Variants in LSP1 observed in about 807,000 individuals in gnomAD.
LSP1 encodes the protein lymphocyte-specific protein 1.
A neutral mutation model predicts 49.3 loss-of-function variants in LSP1; 32 were observed. The ratio of observed to expected loss-of-function variants is 0.65; its 90% CI spans 0.49 to 0.87. The LOEUF (loss-of-function observed/expected upper bound fraction) is 0.87. Ranked by LOEUF, LSP1 falls within the 40% of genes least tolerant of loss-of-function variation. The pLI, the probability that LSP1 is intolerant of heterozygous loss-of-function variation, is 0.00. For synonymous variants in LSP1, 179 were observed against 178.8 expected, an observed-to-expected ratio of 1.00 and a Z score of -0.01; for missense variants, 428 against 442.6, an observed-to-expected ratio of 0.97 and a Z score of 0.30.
chr11:1,855,423 A>G (rs1847464317), intron 1 of LSP1, among the ~76,000 whole-genome samples: 1 of 152,128 alleles, frequency 6.6e-6, no homozygotes, highest in Admixed American at 6.5e-5. Context: ...CATGCCCTCA[A>G]CACTAGGTCC....
rs1848678604 is a variant in LSP1, at chr11:1,884,551, G to A, written c.687G>A (p.Gln229=). 6.2e-7 allele frequency: 1 copy of A among 1,613,940 alleles called. No individual in the cohort carries two copies. The highest frequency in any genetic ancestry group is 8.5e-7 in the Non-Finnish European group (1 of 1,179,938). The part of the protein sequence containing the change: ...QPDLPISKID[Q]WLEQYTQAIE... ...ACTTGCCCATCTCCAAGATTGATCA[G>A]TGGCTGGAACAATACACCCAGGCCA... is the stretch of plus-strand genomic sequence containing the variant. The change falls in exon 7 of 11, where the codon CAG becomes CAA. Residue 229 remains glutamine, a synonymous_variant. Coordinates refer to ENST00000311604, the MANE Select transcript of LSP1 (RefSeq NM_002339.3). The surrounding 1 kb of genome is among the most constrained non-coding windows in gnomAD (Gnocchi z 4.1).
At chr11:1,881,833 G>T (rs771141390) in intron 3 of LSP1, among the ~76,000 whole-genome samples, 1 of 152,170 alleles carries the variant, frequency 6.6e-6, no homozygotes, top group Non-Finnish European at 1.5e-5. Context: ...AGACAGGAGG[G>T]GAGGGAGGAA....
intron 7 of LSP1, among the ~76,000 whole-genome samples, chr11:1,886,496 A>C (rs190432148): frequency 4.6e-5 from 7 of 152,346 alleles, no homozygotes; most frequent in Admixed American, 1.3e-4. Flanking sequence ...AGGCAGACCC[A>C]CATCTGTCCT....
chr11:1,876,591 G>A (rs1178032103), intron 1 of LSP1: 2 of 985,500 alleles, frequency 2.0e-6, no homozygotes, highest in Admixed American at 6.1e-5. Context: ...GCAGAGTCGG[G>A]ACGGGGACCG....
rs767061907 is a variant in LSP1, at chr11:1,883,529, G to A, written c.467G>A (p.Gly156Glu). 75 of 1,613,180 alleles carry A rather than the reference G, an allele frequency of 4.6e-5. No individual in the cohort carries two copies. The highest frequency in any genetic ancestry group is 6.1e-5 in the Non-Finnish European group (72 of 1,179,854). Residue 156 changes from glycine to glutamate, a missense_variant, in exon 4 of 11, where the codon GGG becomes GAG. Gly to Glu is a moderately conservative substitution (Grantham distance 98, BLOSUM62 -2). Transcript: ENST00000311604. ...GPEDTVQDNL[G>E]AAGAEEEQEE... ...GAGGACACTGTCCAGGACAACCTGG[G>A]GGCCGCAGGGGCTGAGGAGGAACAG...
intron 1 of LSP1, among the ~76,000 whole-genome samples, chr11:1,854,118 G>A (rs1233207755): frequency 6.6e-6 from 1 of 151,922 alleles, no homozygotes; most frequent in Non-Finnish European, 1.5e-5. Flanking sequence ...AGGGCTTTGA[G>A]GGGCAGAGGG....
chr11:1,856,327 A>T (rs1412335109), intron 1 of LSP1, among the ~76,000 whole-genome samples: 2 of 152,194 alleles, frequency 1.3e-5, no homozygotes, highest in African/African-American at 4.8e-5. Context: ...GGCCTGGTTG[A>T]ACTCACTTCC....
At chr11:1,854,360 GCT>G (rs946654812) in intron 1 of LSP1, among the ~76,000 whole-genome samples, 2 of 152,102 alleles carry the variant, frequency 1.3e-5, no homozygotes, top group Non-Finnish European at 2.9e-5. Flanking sequence ...CTGCCTTGGT[GCT>G]GACAGCAGAG....
At chr11:1,862,366 C>A (rs1847664809) in intron 1 of LSP1, among the ~76,000 whole-genome samples, 2 of 152,268 alleles carry the variant, frequency 1.3e-5, no homozygotes, top group Admixed American at 6.5e-5. Context: ...GCATTTCTGA[C>A]AGATGATCAT....
chr11:1,870,996 C>G, intron 1 of LSP1: 1 of 985,612 alleles, frequency 1.0e-6, no homozygotes. Context: ...GCTCCTTGGT[C>G]CCCTCCTGCG....
intron 1 of LSP1, chr11:1,870,106 C>T: frequency 2.1e-6 from 1 of 482,110 alleles, no homozygotes; most frequent in South Asian, 1.5e-5. Context: ...GCTGGCTGCA[C>T]TGGTGCTCAC....
chr11:1,866,504 G>T (rs1396783838), intron 1 of LSP1: 9 of 1,502,000 alleles, frequency 6.0e-6, no homozygotes, highest in Non-Finnish European at 8.0e-6. Context: ...CACCTGGCAG[G>T]GTCTCCGGCT....
At chr11:1,858,365 C>A (rs1389466292) in intron 1 of LSP1, among the ~76,000 whole-genome samples, 1 of 152,248 alleles carries the variant, frequency 6.6e-6, no homozygotes, top group Non-Finnish European at 1.5e-5. Context: ...GAGCACTGCT[C>A]ATGGCCCAAG....
At chr11:1,869,732 G>T (rs975567262) in intron 1 of LSP1, 6 of 470,732 alleles carry the variant, frequency 1.3e-5, no homozygotes, top group Non-Finnish European at 2.6e-5. Context: ...GAGGCCAGGC[G>T]AGGGCTGGCG....
chr11:1,857,836 C>A (rs989653456), intron 1 of LSP1, among the ~76,000 whole-genome samples: 3 of 152,250 alleles, frequency 2.0e-5, no homozygotes, highest in Admixed American at 6.5e-5. Flanking sequence ...CTCACTGGAA[C>A]CTCCGCCCTC....
chr11:1,866,505 G>T (rs781120168), intron 1 of LSP1: 44 of 1,507,202 alleles, frequency 2.9e-5, no homozygotes, highest in South Asian at 3.9e-5. Context: ...ACCTGGCAGG[G>T]TCTCCGGCTG....
chr11:1,878,950 C>T (rs571798049), intron 1 of LSP1, among the ~76,000 whole-genome samples: 1 of 152,120 alleles, frequency 6.6e-6, no homozygotes, highest in East Asian at 1.9e-4. Flanking sequence ...CCAGCCTGTG[C>T]CTACCTCTGT....
At chr11:1,866,869 A>G in intron 1 of LSP1, 1 of 1,540,818 alleles carries the variant, frequency 6.5e-7, no homozygotes, top group South Asian at 1.2e-5. Context: ...GGGCTCGGCC[A>G]TGAGCATCCG....
At chr11:1,857,815 C>T (rs944845411) in intron 1 of LSP1, among the ~76,000 whole-genome samples, 17 of 152,176 alleles carry the variant, frequency 1.1e-4, no homozygotes, top group Admixed American at 1.1e-3. Flanking sequence ...AGTGCAGTGA[C>T]ACAATCTCGG....
Sources: allele counts gnomAD v4.1 joint callset (sites outside exome capture counted in the v4.1 genomes callset), GRCh38; gene constraint gnomAD v4.1.1; non-coding constraint Gnocchi (gnomAD v3.1); transcripts MANE v1.5; gene names NCBI Gene and HGNC (gene_info 2026-07-23, HGNC 2026-07-21).